Variants in KCNMA1 observed in about 807,000 individuals in gnomAD.
The protein encoded by KCNMA1 is potassium calcium-activated channel subfamily M alpha 1, also known as Calcium-activated potassium channel subunit alpha-1.
A neutral mutation model predicts 140.0 loss-of-function variants in KCNMA1; 29 were observed. That is an observed-to-expected ratio of 0.21 (90% confidence interval 0.15 to 0.28). KCNMA1 has a LOEUF of 0.28. Ranked by LOEUF, KCNMA1 falls within the 10% of genes least tolerant of loss-of-function variation. The pLI is 1.00. For synonymous variants in KCNMA1, 612 were observed against 611.9 expected, an observed-to-expected ratio of 1.00 and a Z score of 0.00; for missense variants, 880 against 1,602.2, an observed-to-expected ratio of 0.55 and a Z score of 7.70.
chr10:77,188,036 C>G (rs751889266), intron 3 of KCNMA1, among the ~76,000 whole-genome samples: 2 of 152,180 alleles, frequency 1.3e-5, no homozygotes, highest in Non-Finnish European at 2.9e-5. Context: ...GAGACTTCAT[C>G]TTAATGATTA....
At chr10:77,365,170 C>T (rs537721247) in intron 2 of KCNMA1, among the ~76,000 whole-genome samples, 2 of 152,310 alleles carry the variant, frequency 1.3e-5, no homozygotes, top group Admixed American at 6.5e-5. Flanking sequence ...CAGTGCTCAA[C>T]TGAAAGCAGT....
At chr10:76,982,955 G>C (rs1216000139) in intron 19 of KCNMA1, among the ~76,000 whole-genome samples, 1 of 152,258 alleles carries the variant, frequency 6.6e-6, no homozygotes, top group East Asian at 1.9e-4. Flanking sequence ...TAATGCCTCA[G>C]AAAGGGGTCC....
intron 14 of KCNMA1, among the ~76,000 whole-genome samples, chr10:77,047,072 C>A (rs2095098584): frequency 6.6e-6 from 1 of 152,158 alleles, no homozygotes; most frequent in Non-Finnish European, 1.5e-5. Flanking sequence ...ATTTGGCATT[C>A]CACAATTATG....
intron 1 of KCNMA1, among the ~76,000 whole-genome samples, chr10:77,459,456 C>G (rs2097818598): frequency 6.6e-6 from 1 of 152,180 alleles, no homozygotes. Context: ...GACTAATAAG[C>G]TAAAATCGGA....
intron 22 of KCNMA1, 62 bp downstream of exon 22, chr10:76,949,080 C>A (rs939327326): frequency 7.9e-7 from 1 of 1,267,414 alleles, no homozygotes; most frequent in African/African-American, 1.5e-5. Context: ...TTATATCCAT[C>A]CGGGATTTTC....
chr10:77,520,308 G>A (rs1355829313), intron 1 of KCNMA1, among the ~76,000 whole-genome samples: 6 of 151,856 alleles, frequency 4.0e-5, no homozygotes, highest in Non-Finnish European at 8.8e-5. Context: ...GTGAGGGTGT[G>A]CAGTGTGAGG....
chr10:77,494,195 T>A (rs1333340632), intron 1 of KCNMA1, among the ~76,000 whole-genome samples: 3 of 152,240 alleles, frequency 2.0e-5, no homozygotes, highest in Non-Finnish European at 4.4e-5. Context: ...ACTCACCACG[T>A]TGCCTTTGAC....
At chr10:77,145,805 C>T (rs774418721) in intron 5 of KCNMA1, among the ~76,000 whole-genome samples, 9 of 152,092 alleles carry the variant, frequency 5.9e-5, no homozygotes, top group African/African-American at 1.4e-4. Flanking sequence ...AGAAAAGAGA[C>T]GGAATCTGGG....
At chr10:77,533,843 C>T (rs2058270793) in intron 1 of KCNMA1, among the ~76,000 whole-genome samples, 1 of 152,204 alleles carries the variant, frequency 6.6e-6, no homozygotes, top group Non-Finnish European at 1.5e-5. Flanking sequence ...TCCTTACCAC[C>T]TCATGGCCAC....
intron 1 of KCNMA1, among the ~76,000 whole-genome samples, chr10:77,504,988 C>G (rs1013729768): frequency 6.6e-6 from 1 of 152,140 alleles, no homozygotes; most frequent in African/African-American, 2.4e-5. Flanking sequence ...ATCCAGGAGA[C>G]TCGGGTCTCC....
At chr10:77,361,241 G>A (rs2093921987) in intron 2 of KCNMA1, among the ~76,000 whole-genome samples, 1 of 152,206 alleles carries the variant, frequency 6.6e-6, no homozygotes, top group Admixed American at 6.5e-5. Flanking sequence ...GTATTATCAT[G>A]ATCGTCATCG....
intron 6 of KCNMA1, among the ~76,000 whole-genome samples, chr10:77,115,272 C>A (rs1294096527): frequency 6.6e-6 from 1 of 152,164 alleles, no homozygotes; most frequent in Non-Finnish European, 1.5e-5. Context: ...GGAAAAACAG[C>A]CAAAATGTCC....
At chr10:77,425,200 G>A (rs2096956558) in intron 1 of KCNMA1, among the ~76,000 whole-genome samples, 1 of 152,060 alleles carries the variant, frequency 6.6e-6, no homozygotes, top group Non-Finnish European at 1.5e-5. Context: ...CAGAAGGAGA[G>A]CACATTATCT....
chr10:76,962,243 T>G lies in KCNMA1; in HGVS notation c.2360+7731A>C, dbSNP rs78225660. On this transcript the variant is annotated intron_variant, in intron 20 of 27. Transcript: ENST00000286628. ...CAACGCTGGACTTCAGAAATTTACA[T>G]GAAAGTACAAAAAACCAGCCAAACA... is the stretch of plus-strand genomic sequence containing the variant. Among the ~76,000 whole-genome samples, 1,164 of 152,262 alleles carry G rather than the reference T, an allele frequency of 7.6e-3. 13 individuals are homozygous for G. The highest frequency in any genetic ancestry group is 0.027 in the African/African-American group (1,105 of 41,546).
intron 23 of KCNMA1, among the ~76,000 whole-genome samples, chr10:76,943,629 C>T (rs2063163802): frequency 6.6e-6 from 1 of 152,186 alleles, no homozygotes; most frequent in Admixed American, 6.5e-5. Context: ...CTTTCCAAAT[C>T]TCACCCCAGT....
chr10:77,271,534 C>T (rs1366798367), intron 2 of KCNMA1, among the ~76,000 whole-genome samples: 1 of 152,054 alleles, frequency 6.6e-6, no homozygotes, highest in Admixed American at 6.6e-5. Flanking sequence ...ACAGAGGAGC[C>T]GAAGATGAGC....
At chr10:77,195,826 G>A (rs757745670) in intron 3 of KCNMA1, among the ~76,000 whole-genome samples, 11 of 152,102 alleles carry the variant, frequency 7.2e-5, no homozygotes, top group Non-Finnish European at 1.3e-4. Flanking sequence ...GTGAACACCT[G>A]TAGTCCCAGC....
intron 1 of KCNMA1, among the ~76,000 whole-genome samples, chr10:77,446,748 C>T (rs1297919729): frequency 1.3e-5 from 2 of 152,244 alleles, no homozygotes; most frequent in Non-Finnish European, 2.9e-5. Context: ...TAGAAAGTAA[C>T]ACCAGAGAAG....
chr10:77,269,927 G>T (rs1295482252), intron 2 of KCNMA1, among the ~76,000 whole-genome samples: 1 of 152,210 alleles, frequency 6.6e-6, no homozygotes, highest in Admixed American at 6.5e-5. Flanking sequence ...ATACAGGTAA[G>T]TAGAGGCTGG....
Sources: gnomAD v4.1 joint callset for allele counts (sites outside exome capture counted in the v4.1 genomes callset) on GRCh38, gnomAD v4.1.1 for gene constraint, MANE v1.5 for transcripts, NCBI Gene and HGNC (gene_info 2026-07-23, HGNC 2026-07-21) for gene names.